Variants in TBC1D1 observed in about 807,000 individuals in gnomAD.
TBC1D1 encodes TBC1 domain family member 1, also known as TBC1 (tre-2/USP6, BUB2, cdc16) domain family, member 1.
Under a neutral mutation model 125.6 loss-of-function variants are expected in TBC1D1, and 89 were observed. The ratio of observed to expected loss-of-function variants is 0.71; its 90% CI spans 0.60 to 0.85. The LOEUF (loss-of-function observed/expected upper bound fraction) is 0.85, where lower values mean the gene tolerates loss of function less well. TBC1D1 is among the 40% of genes least tolerant of loss of function. TBC1D1 has a pLI of 0.00. For missense variants in TBC1D1, 1,377 were observed against 1,469.2 expected, an observed-to-expected ratio of 0.94 and a Z score of 1.03; for synonymous variants, 565 against 564.1, an observed-to-expected ratio of 1.00 and a Z score of -0.02.
intron 2 of TBC1D1, among the ~76,000 whole-genome samples, chr4:37,932,545 T>G (rs965509673): frequency 1.6e-4 from 25 of 152,172 alleles, no homozygotes; most frequent in East Asian, 5.8e-4. Context: ...TCAAGAGAGA[T>G]ATGATTTGAT....
chr4:38,047,328 G>A (rs1208039642), intron 10 of TBC1D1, among the ~76,000 whole-genome samples: 5 of 152,132 alleles, frequency 3.3e-5, no homozygotes, highest in Admixed American at 1.3e-4. Context: ...TTCTGGTTCA[G>A]TAGGCAGGGT....
intron 2 of TBC1D1, among the ~76,000 whole-genome samples, chr4:37,917,458 G>C (rs1292912128): frequency 6.6e-6 from 1 of 152,190 alleles, no homozygotes; most frequent in African/African-American, 2.4e-5. Flanking sequence ...CTAGGCGACA[G>C]AGCTAGACAC....
At chr4:37,968,465 C>A (rs1418923854) in intron 2 of TBC1D1, among the ~76,000 whole-genome samples, 1 of 152,226 alleles carries the variant, frequency 6.6e-6, no homozygotes, top group Non-Finnish European at 1.5e-5. Context: ...TAACAAGAAA[C>A]TACAATGTAA....
intron 2 of TBC1D1, among the ~76,000 whole-genome samples, chr4:37,940,457 T>C (rs1432631013): frequency 6.6e-6 from 1 of 152,222 alleles, no homozygotes; most frequent in Non-Finnish European, 1.5e-5. Flanking sequence ...TATACAATCA[T>C]GTCATCTGCG....
chr4:38,093,932 A>G (rs1758884623), intron 13 of TBC1D1, among the ~76,000 whole-genome samples: 1 of 152,218 alleles, frequency 6.6e-6, no homozygotes, highest in Non-Finnish European at 1.5e-5. Context: ...TGTTATTACC[A>G]GTTGAGCTAA....
In TBC1D1 at chr4:38,007,877, C is replaced by T. The variant is rs115127042; in HGVS notation, c.418-6632C>T. On this transcript the variant is annotated intron_variant, in intron 2 of 19. Coordinates refer to ENST00000261439, the MANE Select transcript of TBC1D1 (RefSeq NM_015173.4). ...GCGGAGGAGGCCTTCCTATGAAGCC[C>T]TGCCTTCCCTGGGATGTGACAAAGG... 4.8e-3 allele frequency among the ~76,000 whole-genome samples: 726 copies of T among 152,290 alleles called. 7 individuals carry two copies. Among genetic ancestry groups the T allele is most frequent in the African/African-American group, 0.017 (687 of 41,556 alleles).
chr4:37,927,266 T>C (rs1366059653), intron 2 of TBC1D1, among the ~76,000 whole-genome samples: 2 of 152,208 alleles, frequency 1.3e-5, no homozygotes, highest in African/African-American at 2.4e-5. Flanking sequence ...ATTTCGAATT[T>C]ATTCTTTTTC....
chr4:37,963,332 C>T lies in TBC1D1; in HGVS notation c.418-51177C>T, dbSNP rs151205690. On this transcript the variant is annotated intron_variant, in intron 2 of 19. Transcript: ENST00000261439. ...GGCCTCACAAAGCTTCCAGTCATGG[C>T]GGAAGGCCAAGGAGGGAGCAGGCCT... Among the ~76,000 whole-genome samples the T allele has an allele frequency of 1.3e-4, 19 of 148,528 alleles. No homozygotes were observed. The East Asian group carries it at 3.0e-3, about 23-fold the overall frequency.
chr4:37,965,185 T>C (rs1407601912), intron 2 of TBC1D1, among the ~76,000 whole-genome samples: 5 of 152,244 alleles, frequency 3.3e-5, no homozygotes, highest in Admixed American at 3.3e-4. Flanking sequence ...AGTGGTTAAG[T>C]TGGCAGAGTG....
intron 17 of TBC1D1, chr4:38,119,974 C>A: frequency 3.0e-6 from 3 of 985,340 alleles, no homozygotes; most frequent in Non-Finnish European, 3.6e-6. Context: ...TCCTTCGGCT[C>A]ATAAATGGGT....
intron 2 of TBC1D1, among the ~76,000 whole-genome samples, chr4:37,927,454 T>C (rs1314410883): frequency 1.3e-5 from 2 of 152,216 alleles, no homozygotes; most frequent in African/African-American, 4.8e-5. Context: ...TTATATCTAT[T>C]GCTGTTTAAC....
intron 2 of TBC1D1, among the ~76,000 whole-genome samples, chr4:37,922,753 T>C (rs1721278702): frequency 6.6e-6 from 1 of 152,216 alleles, no homozygotes; most frequent in Non-Finnish European, 1.5e-5. Flanking sequence ...TATAGTCCAC[T>C]GGAGATGGCC....
In TBC1D1 at chr4:38,000,092, G is replaced by A. The variant is rs184068828; in HGVS notation, c.418-14417G>A. On this transcript the variant is annotated intron_variant, in intron 2 of 19. Coordinates refer to ENST00000261439, the MANE Select transcript of TBC1D1 (RefSeq NM_015173.4). ...TTTTAATTTCTTTGATGACTATAGC[G>A]TCTGGCGAGGCTTTCTCATTTTCAA... 7.2e-5 allele frequency among the ~76,000 whole-genome samples: 11 copies of A among 152,252 alleles called. 1 individual carries two copies. Among genetic ancestry groups the A allele is most frequent in the African/African-American group, 1.7e-4 (7 of 41,532 alleles).
chr4:38,083,934 CTTT>C (rs61161366), intron 12 of TBC1D1, among the ~76,000 whole-genome samples: 3 of 133,316 alleles, frequency 2.3e-5, no homozygotes, highest in African/African-American at 8.5e-5. Flanking sequence ...TGAATGTTGT[CTTT>C]TTTTTTTTTT....
At chr4:38,108,995 G>A (rs755869109) in intron 15 of TBC1D1, among the ~76,000 whole-genome samples, 14 of 152,198 alleles carry the variant, frequency 9.2e-5, no homozygotes, top group African/African-American at 1.4e-4. Flanking sequence ...GAGCAGCATC[G>A]TGCACTTTGA....
chr4:37,994,180 A>G (rs1488810074), intron 2 of TBC1D1, among the ~76,000 whole-genome samples: 1 of 152,246 alleles, frequency 6.6e-6, no homozygotes, highest in Non-Finnish European at 1.5e-5. Flanking sequence ...GTGGTGCTCG[A>G]AACTTTTTAA....
At chr4:38,088,673 T>TG (rs1578640790) in intron 12 of TBC1D1, among the ~76,000 whole-genome samples, 4 of 152,156 alleles carry the variant, frequency 2.6e-5, no homozygotes, top group African/African-American at 4.8e-5. Context: ...TACTCTGTGT[T>TG]GGGCCCTGTT....
chr4:37,980,976 T>C (rs188082454), intron 2 of TBC1D1, among the ~76,000 whole-genome samples: 8 of 152,012 alleles, frequency 5.3e-5, no homozygotes, highest in African/African-American at 1.9e-4. Context: ...TGAGTCTCAC[T>C]CTGTCGCCCA....
chr4:37,961,203 G>A (rs777304222), intron 2 of TBC1D1: 19 of 757,846 alleles, frequency 2.5e-5, no homozygotes, highest in South Asian at 7.5e-5. Flanking sequence ...ACTACAGCCC[G>A]TACTCTTTGG....
Sources: gnomAD v4.1 joint callset for allele counts (sites outside exome capture counted in the v4.1 genomes callset) on GRCh38, gnomAD v4.1.1 for gene constraint, MANE v1.5 for transcripts, NCBI Gene and HGNC (gene_info 2026-07-23, HGNC 2026-07-21) for gene names.